HSF5: variants seen among roughly 807,000 people sequenced by gnomAD.
HSF5 encodes the protein heat shock factor protein 5.
Under a neutral mutation model 50.8 loss-of-function variants are expected in HSF5, and 5 were observed. The observed-to-expected ratio is 0.10, with a 90% CI of 0.05 to 0.21. HSF5 has a LOEUF of 0.21. Ranked by LOEUF, HSF5 falls within the 10% of genes least tolerant of loss-of-function variation. The pLI, the probability that HSF5 is intolerant of heterozygous loss-of-function variation, is 1.00. For missense variants in HSF5, 564 were observed against 762.6 expected, an observed-to-expected ratio of 0.74 and a Z score of 3.07; for synonymous variants, 307 against 307.4, an observed-to-expected ratio of 1.00 and a Z score of 0.02.
At chr17:58,432,300 A>G (rs1974375588) in intron 5 of HSF5, among the ~76,000 whole-genome samples, 1 of 152,078 alleles carries the variant, frequency 6.6e-6, no homozygotes, top group South Asian at 2.1e-4. Context: ...AATTATAGAA[A>G]AATAGCAAGT....
At position 58,463,044 on chromosome 17, in the gene HSF5, C is replaced by T. The variant is rs564458403; in HGVS notation, c.1280G>A (p.Ser427Asn). Reference sequence around the variant, plus strand: ...TACAGGAGTAAGTGGCTCCAGCTGGCTAGCCTGACTTGCAGAACATGGATT... The same window carrying T: ...TACAGGAGTAAGTGGCTCCAGCTGGTTAGCCTGACTTGCAGAACATGGATT... Reference protein sequence around the residue: ...NSNPCSASQASQLEPLTPVGS... With the variant: ...NSNPCSASQANQLEPLTPVGS... The change falls in exon 4 of 6, where the codon AGC (serine) becomes AAC (asparagine). Residue 427 changes from serine (S) to asparagine (N), a missense_variant. Physicochemically the swap from Ser to Asn is conservative, Grantham distance 46. Transcript: ENST00000323777. 4 of 1,614,224 alleles carry T rather than the reference C, an allele frequency of 2.5e-6. No homozygotes were observed. In the South Asian group the frequency reaches 3.3e-5, roughly 13 times the overall value.
rs757990465 is a variant in HSF5, at chr17:58,480,209, G to A, written c.609C>T (p.Tyr203=). Residue 203 remains tyrosine (Y), a synonymous_variant, in exon 2 of 6, where the codon TAC becomes TAT. Coordinates refer to ENST00000323777, the MANE Select transcript of HSF5 (RefSeq NM_001080439.3). The stretch of plus-strand genomic sequence containing the variant: ...CGTGGGATGGAGTTGATACACAGGA[G>A]TAAGGAGACAAACTATCTCGACGAA... ...RSFRRDSLSP[Y]SCVSTPSHDH... 42 of 1,613,710 alleles carry A rather than the reference G, an allele frequency of 2.6e-5. No homozygotes were observed. The highest frequency in any genetic ancestry group is 3.3e-5 in the Non-Finnish European group (39 of 1,179,912).
Position 58,487,995 on chromosome 17 carries a change from G to T in HSF5, c.280C>A (p.Leu94Met). 1 of 1,610,332 alleles carries T rather than the reference G, an allele frequency of 6.2e-7. No individual in the cohort carries two copies. The change falls in exon 1 of 6, where the codon CTG (leucine) becomes ATG (methionine). Residue 94 changes from leucine to methionine, a missense_variant. By Grantham distance (15) the Leu-to-Met change is conservative. Transcript: ENST00000323777. ...LNLYGFRKVV[L>M]GGPGGGKPAG... ...GGTTTGCCGCCCCCCGGCCCGCCCA[G>T]CACCACCTTGCGGAAGCCGTAGAGG...
At chr17:58,455,926 G>A (rs188787702) in intron 5 of HSF5, among the ~76,000 whole-genome samples, 6 of 152,006 alleles carry the variant, frequency 3.9e-5, no homozygotes, top group Non-Finnish European at 7.4e-5. Context: ...CAGTATGAAG[G>A]TTCTTAAAAA....
At chr17:58,424,625 A>C (rs1258930209) in intron 5 of HSF5, among the ~76,000 whole-genome samples, 2 of 151,904 alleles carry the variant, frequency 1.3e-5, no homozygotes, top group Non-Finnish European at 2.9e-5. Flanking sequence ...AAAAAAAAAA[A>C]AAAGGAGGAA....
chr17:58,433,334 GA>G (rs1420156900), intron 5 of HSF5, among the ~76,000 whole-genome samples: 1 of 152,168 alleles, frequency 6.6e-6, no homozygotes, highest in Non-Finnish European at 1.5e-5. Flanking sequence ...TAAAATTGGG[GA>G]AAAGGTAGAA....
intron 2 of HSF5, chr17:58,476,238 T>A: frequency 1.1e-6 from 1 of 914,056 alleles, no homozygotes; most frequent in Non-Finnish European, 1.8e-6. Flanking sequence ...CTTCCTTCTC[T>A]TCATCATCAT....
intron 2 of HSF5, among the ~76,000 whole-genome samples, chr17:58,473,050 AG>A (rs1196459783): frequency 1.3e-5 from 2 of 152,316 alleles, no homozygotes; most frequent in South Asian, 2.1e-4. Context: ...GCAGACAGGC[AG>A]GGGGGCAGGC....
At chr17:58,452,847 T>TA (rs1598190145) in intron 5 of HSF5, among the ~76,000 whole-genome samples, 1 of 148,010 alleles carries the variant, frequency 6.8e-6, no homozygotes, top group Non-Finnish European at 1.5e-5. Context: ...AGTTTACTTT[T>TA]AAATTAAAAG....
chr17:58,474,224 A>G (rs1281499533), intron 2 of HSF5, among the ~76,000 whole-genome samples: 1 of 152,248 alleles, frequency 6.6e-6, no homozygotes, highest in Admixed American at 6.5e-5. Flanking sequence ...GGAGGAATTA[A>G]GTATTTCTAG....
intron 5 of HSF5, among the ~76,000 whole-genome samples, chr17:58,432,736 T>C (rs1426184726): frequency 6.6e-6 from 1 of 152,132 alleles, no homozygotes. Context: ...AAATAATTAC[T>C]GATTTAAGAG....
chr17:58,475,864 TAC>T (rs1975005289), intron 2 of HSF5, among the ~76,000 whole-genome samples: 1 of 152,122 alleles, frequency 6.6e-6, no homozygotes. Context: ...GTTGATTCCA[TAC>T]AGTTTTTGTT....
intron 5 of HSF5, among the ~76,000 whole-genome samples, chr17:58,450,752 T>C (rs1426415408): frequency 1.1e-5 from 1 of 88,846 alleles, no homozygotes; most frequent in African/African-American, 4.4e-5. Flanking sequence ...AAACTCCATC[T>C]CAAAAAAAAA....
intron 5 of HSF5, among the ~76,000 whole-genome samples, chr17:58,433,383 C>T (rs1474822651): frequency 2.0e-5 from 3 of 152,088 alleles, no homozygotes; most frequent in African/African-American, 4.8e-5. Flanking sequence ...CATCCAAAGA[C>T]GTAGCGTAGG....
chr17:58,476,080 A>C, intron 2 of HSF5: 1 of 610,152 alleles, frequency 1.6e-6, no homozygotes. Flanking sequence ...GCTCCCAAGG[A>C]CTGGAGAAAA....
chr17:58,432,741 T>A (rs747693530), intron 5 of HSF5, among the ~76,000 whole-genome samples: 19 of 152,158 alleles, frequency 1.2e-4, no homozygotes, highest in Non-Finnish European at 2.2e-4. Flanking sequence ...ATTACTGATT[T>A]AAGAGATCAC....
intron 5 of HSF5, among the ~76,000 whole-genome samples, chr17:58,441,444 C>T (rs769602476): frequency 6.6e-6 from 1 of 151,962 alleles, no homozygotes; most frequent in Non-Finnish European, 1.5e-5. Context: ...CCTGAAGTTC[C>T]ACCTTAAAAA....
intron 1 of HSF5, among the ~76,000 whole-genome samples, chr17:58,482,238 A>G (rs1362220235): frequency 6.6e-6 from 1 of 152,224 alleles, no homozygotes; most frequent in Non-Finnish European, 1.5e-5. Flanking sequence ...CCTACTTCAG[A>G]AGATTGAATG....
At chr17:58,454,890 G>T (rs1187943116) in intron 5 of HSF5, among the ~76,000 whole-genome samples, 1 of 152,138 alleles carries the variant, frequency 6.6e-6, no homozygotes, top group Admixed American at 6.6e-5. Flanking sequence ...TTGTTAAAAT[G>T]TCCATATTAC....
Sources: gnomAD v4.1 joint callset for allele counts (sites outside exome capture counted in the v4.1 genomes callset) on GRCh38, gnomAD v4.1.1 for gene constraint, MANE v1.5 for transcripts, NCBI Gene and HGNC (gene_info 2026-07-23, HGNC 2026-07-21) for gene names.